Variants in WWOX observed in about 807,000 individuals in gnomAD.
WWOX encodes the protein WW domain containing oxidoreductase.
A neutral mutation model predicts 46.2 loss-of-function variants in WWOX; 69 were observed. The observed-to-expected ratio is 1.49, with a 90% CI of 1.23 to 1.82. The LOEUF (loss-of-function observed/expected upper bound fraction) is 1.82, where lower values mean the gene tolerates loss of function less well. Among genes scored for constraint, WWOX ranks in the 40% most tolerant of loss-of-function variants. WWOX has a pLI of 0.00. For synonymous variants in WWOX, 359 were observed against 202.6 expected (o/e 1.77, Z -6.56); for missense variants, 919 against 542.6 (o/e 1.69, Z -6.89).
intron 8 of WWOX, among the ~76,000 whole-genome samples, chr16:79,137,044 C>G (rs1199873380): frequency 6.6e-6 from 1 of 152,106 alleles, no homozygotes; most frequent in Non-Finnish European, 1.5e-5. Context: ...CATAAACTGC[C>G]AAGGGTTAGT....
chr16:78,720,826 T>G (rs955477684), intron 8 of WWOX, among the ~76,000 whole-genome samples: 1 of 152,138 alleles, frequency 6.6e-6, no homozygotes, highest in Non-Finnish European at 1.5e-5. Context: ...CATTAGATAC[T>G]TTCTTGGGGA....
chr16:78,311,489 T>G (rs1021365360), intron 5 of WWOX, among the ~76,000 whole-genome samples: 7 of 152,252 alleles, frequency 4.6e-5, no homozygotes, highest in African/African-American at 1.7e-4. Context: ...TCTGCAGTTG[T>G]TGGGCTTTTG....
At chr16:78,926,716 T>C (rs1263337376) in intron 8 of WWOX, among the ~76,000 whole-genome samples, 2 of 152,218 alleles carry the variant, frequency 1.3e-5, no homozygotes, top group Non-Finnish European at 2.9e-5. Context: ...TTTGAAAGAC[T>C]TGATGGAGAA....
chr16:78,135,968 C>G (rs1597250746), intron 4 of WWOX, among the ~76,000 whole-genome samples: 1 of 152,244 alleles, frequency 6.6e-6, no homozygotes, highest in Admixed American at 6.5e-5. Context: ...GTTGTGATAA[C>G]TATATATAAA....
At chr16:78,461,249 G>T (rs75174980) in intron 8 of WWOX, among the ~76,000 whole-genome samples, 2,639 of 152,200 alleles carry the variant, frequency 0.017, 43 homozygotes, top group Non-Finnish European at 0.021. Flanking sequence ...AGCTTCTCCT[G>T]GGCATCCTGT....
intron 8 of WWOX, among the ~76,000 whole-genome samples, chr16:78,936,568 C>A (rs1399435256): frequency 1.3e-5 from 2 of 152,124 alleles, no homozygotes; most frequent in Non-Finnish European, 2.9e-5. Context: ...TTTCAGAATT[C>A]CAGGACGTCT....
chr16:78,786,029 C>G (rs1456976491), intron 8 of WWOX, among the ~76,000 whole-genome samples: 2 of 152,150 alleles, frequency 1.3e-5, no homozygotes, highest in Admixed American at 6.5e-5. Context: ...GGCTTAGCCT[C>G]CTGAGTAGCT....
intron 8 of WWOX, among the ~76,000 whole-genome samples, chr16:78,859,711 G>T (rs185284781): frequency 6.6e-6 from 1 of 152,244 alleles, no homozygotes; most frequent in Admixed American, 6.5e-5. Flanking sequence ...AGCCTTCTGG[G>T]TTAGAGGATA....
At chr16:78,127,552 G>T (rs915082895) in intron 4 of WWOX, among the ~76,000 whole-genome samples, 5 of 142,638 alleles carry the variant, frequency 3.5e-5, no homozygotes, top group African/African-American at 1.1e-4. Flanking sequence ...GGTTATTTTT[G>T]TTACAGTCAA....
At chr16:78,648,939 C>T (rs1330576994) in intron 8 of WWOX, among the ~76,000 whole-genome samples, 1 of 151,974 alleles carries the variant, frequency 6.6e-6, no homozygotes, top group African/African-American at 2.4e-5. Context: ...CTGTTTGTTT[C>T]TTTGATTGTT....
chr16:78,304,131 A>C (rs942501784), intron 5 of WWOX, among the ~76,000 whole-genome samples: 14 of 152,016 alleles, frequency 9.2e-5, no homozygotes, highest in African/African-American at 3.4e-4. Context: ...GACCTCCCCA[A>C]AGTGTTTCCT....
Position 78,609,848 on chromosome 16 carries a change from T to C in WWOX, c.1056+177096T>C, listed in dbSNP as rs2045856418. 2.6e-5 allele frequency among the ~76,000 whole-genome samples: 4 copies of C among 152,368 alleles called. No homozygotes were observed. The South Asian group carries it at 8.3e-4, about 32-fold the overall frequency. ...CTGTGATTTAAAAATGTGCGTGTTT[T>C]TAGTTTCTGTCTAATTTCAACCTTT... On this transcript the variant is annotated intron_variant, in intron 8 of 8. Transcript: ENST00000566780.
chr16:78,321,403 CGT>C (rs950125540), intron 5 of WWOX, among the ~76,000 whole-genome samples: 6 of 107,518 alleles, frequency 5.6e-5, no homozygotes, highest in Non-Finnish European at 1.1e-4. Context: ...CGTATATATA[CGT>C]ATATATATAT....
chr16:78,878,639 G>C lies in WWOX; in HGVS notation c.1057-332969G>C, dbSNP rs191276048. Among the ~76,000 whole-genome samples the C allele has an allele frequency of 2.0e-5, 3 of 152,230 alleles. No homozygotes were observed. The East Asian group carries it at 5.8e-4, about 29-fold the overall frequency. On this transcript the variant is annotated intron_variant, in intron 8 of 8. Coordinates refer to ENST00000566780, the MANE Select transcript of WWOX (RefSeq NM_016373.4). ...TATGAAGAACCTAGCACACTGTTTG[G>C]TGCATGTGAGGGTTCTGTAAATGTT...
chr16:79,040,603 C>G (rs2047952510), intron 8 of WWOX, among the ~76,000 whole-genome samples: 2 of 152,092 alleles, frequency 1.3e-5, no homozygotes, highest in South Asian at 4.2e-4. Flanking sequence ...TCATTTCTTT[C>G]TCACTTTTCT....
chr16:78,659,398 G>T (rs374107316), intron 8 of WWOX, among the ~76,000 whole-genome samples: 1 of 152,244 alleles, frequency 6.6e-6, no homozygotes, highest in Non-Finnish European at 1.5e-5. Flanking sequence ...CTTGTTAGAT[G>T]TGCTCACCCT....
chr16:78,722,301 T>TGGG (rs1390147440), intron 8 of WWOX, among the ~76,000 whole-genome samples: 4 of 152,310 alleles, frequency 2.6e-5, no homozygotes, highest in Non-Finnish European at 5.9e-5. Flanking sequence ...CAAGTGACTT[T>TGGG]GAGCATCTTT....
At chr16:78,713,659 T>A (rs987768900) in intron 8 of WWOX, among the ~76,000 whole-genome samples, 1 of 152,062 alleles carries the variant, frequency 6.6e-6, no homozygotes, top group Non-Finnish European at 1.5e-5. Flanking sequence ...AAAAGACACA[T>A]TGAGGAGGTG....
intron 4 of WWOX, among the ~76,000 whole-genome samples, chr16:78,120,224 T>C (rs1443946262): frequency 2.0e-5 from 3 of 152,176 alleles, no homozygotes; most frequent in Non-Finnish European, 4.4e-5. Flanking sequence ...AAAAAGTACG[T>C]GCTCAAGGTA....
Sources: gnomAD v4.1 joint callset for allele counts (sites outside exome capture counted in the v4.1 genomes callset) on GRCh38, gnomAD v4.1.1 for gene constraint, MANE v1.5 for transcripts, NCBI Gene and HGNC (gene_info 2026-07-23, HGNC 2026-07-21) for gene names.